The following LDLRAD4 variants were observed in gnomAD, a reference collection of about 807,000 sequenced individuals.
LDLRAD4 encodes low density lipoprotein receptor class A domain containing 4, also known as low-density lipoprotein receptor class A domain-containing protein 4.
Under a neutral mutation model 17.0 loss-of-function variants are expected in LDLRAD4, and 5 were observed. That is an observed-to-expected ratio of 0.29 (90% CI 0.15 to 0.62). LDLRAD4 has a LOEUF of 0.62. LDLRAD4 is among the 20% of genes least tolerant of loss of function. LDLRAD4 has a pLI of 0.84. For synonymous variants in LDLRAD4, 168 were observed against 171.8 expected (o/e 0.98, Z 0.17); for missense variants, 340 against 424.7 (o/e 0.80, Z 1.75).
chr18:13,436,129 G>A (rs1219536105), intron 2 of LDLRAD4, among the ~76,000 whole-genome samples: 1 of 152,188 alleles, frequency 6.6e-6, no homozygotes, highest in African/African-American at 2.4e-5. Context: ...AGGAGATAAA[G>A]AAGGGAAATG....
At chr18:13,312,082 G>C (rs999668615) in intron 1 of LDLRAD4, among the ~76,000 whole-genome samples, 2 of 151,972 alleles carry the variant, frequency 1.3e-5, no homozygotes, top group African/African-American at 4.8e-5. Context: ...AGATCCGCCC[G>C]CCTCGGCCTC....
intron 1 of LDLRAD4, among the ~76,000 whole-genome samples, chr18:13,234,315 G>A (rs920801619): frequency 3.3e-5 from 5 of 152,234 alleles, no homozygotes; most frequent in African/African-American, 1.2e-4. Context: ...CTCCCTGGGT[G>A]CGCACATTAG....
intron 3 of LDLRAD4, among the ~76,000 whole-genome samples, chr18:13,536,166 C>T (rs2094198550): frequency 6.6e-6 from 1 of 152,062 alleles, no homozygotes; most frequent in South Asian, 2.1e-4. Flanking sequence ...AGTTTGTCAC[C>T]TATTCGAAGA....
intron 1 of LDLRAD4, among the ~76,000 whole-genome samples, chr18:13,269,140 A>G (rs2044380653): frequency 6.6e-6 from 1 of 152,192 alleles, no homozygotes; most frequent in Admixed American, 6.5e-5. Context: ...CATGTCTTTG[A>G]ATGCGAGAGG....
At chr18:13,624,510 C>A (rs904472778) in intron 4 of LDLRAD4, among the ~76,000 whole-genome samples, 29 of 152,234 alleles carry the variant, frequency 1.9e-4, no homozygotes, top group Non-Finnish European at 3.8e-4. Flanking sequence ...CGCTGCCATT[C>A]TCTCCATCTT....
At chr18:13,537,127 A>G (rs1311114458) in intron 3 of LDLRAD4, among the ~76,000 whole-genome samples, 2 of 152,196 alleles carry the variant, frequency 1.3e-5, no homozygotes, top group Non-Finnish European at 2.9e-5. Flanking sequence ...TCAGAGTAGT[A>G]TTGGTTCATA....
rs573955029 is a variant in LDLRAD4 at position 13,604,721 on chromosome 18, T to C, written c.182-16396T>C. 9.5e-4 allele frequency among the ~76,000 whole-genome samples: 145 copies of C among 152,298 alleles called. 1 individual carries two copies. The highest frequency in any genetic ancestry group is 3.2e-3 in the African/African-American group (131 of 41,568). On this transcript the variant is annotated intron_variant, in intron 3 of 5. Coordinates refer to ENST00000359446, the Ensembl canonical transcript of LDLRAD4. ...TTCCTGAGTAACTACATCAAGCATT[T>C]TAAACAGTAAAATATCCAGTGTGTT...
chr18:13,464,667 A>G (rs1007583922), intron 3 of LDLRAD4, among the ~76,000 whole-genome samples: 3 of 151,948 alleles, frequency 2.0e-5, no homozygotes, highest in African/African-American at 4.8e-5. Flanking sequence ...GAATGTGGAA[A>G]GATGGTGCCA....
At chr18:13,585,095 T>C (rs1486997563) in intron 3 of LDLRAD4, among the ~76,000 whole-genome samples, 2 of 152,236 alleles carry the variant, frequency 1.3e-5, no homozygotes, top group Non-Finnish European at 2.9e-5. Context: ...AGAATGAGCC[T>C]CATGCGTGTC....
chr18:13,479,950 GCC>G (rs2093042229), intron 3 of LDLRAD4, among the ~76,000 whole-genome samples: 1 of 152,202 alleles, frequency 6.6e-6, no homozygotes, highest in African/African-American at 2.4e-5. Flanking sequence ...AGGATGTGGA[GCC>G]ACCGGAACTC....
intron 1 of LDLRAD4, among the ~76,000 whole-genome samples, chr18:13,350,646 T>G (rs1287547561): frequency 6.6e-6 from 1 of 152,240 alleles, no homozygotes; most frequent in Non-Finnish European, 1.5e-5. Flanking sequence ...TAGATCTCAT[T>G]TGTCAATTTT....
At chr18:13,436,300 G>A (rs867873420) in intron 2 of LDLRAD4, among the ~76,000 whole-genome samples, 14 of 152,162 alleles carry the variant, frequency 9.2e-5, no homozygotes, top group Admixed American at 9.2e-4. Flanking sequence ...TTATATGAAC[G>A]AATGAATGAG....
chr18:13,347,923 C>T (rs1258207610), intron 1 of LDLRAD4, among the ~76,000 whole-genome samples: 1 of 152,236 alleles, frequency 6.6e-6, no homozygotes, highest in African/African-American at 2.4e-5. Flanking sequence ...TCAGCTTCAT[C>T]AGGTCCTTTA....
chr18:13,375,082 A>AGG (rs1332252477), intron 1 of LDLRAD4, among the ~76,000 whole-genome samples: 3 of 152,196 alleles, frequency 2.0e-5, no homozygotes, highest in Non-Finnish European at 4.4e-5. Context: ...CTAGAAGGGA[A>AGG]GGGGACGGTA....
chr18:13,493,954 T>C (rs72880641), intron 3 of LDLRAD4, among the ~76,000 whole-genome samples: 15,502 of 152,316 alleles, frequency 0.1, 1,008 homozygotes, highest in South Asian at 0.2. Context: ...GGGCCCAGCA[T>C]GGAGGCGTGT....
chr18:13,551,576 TGG>T (rs2094435227), intron 3 of LDLRAD4, among the ~76,000 whole-genome samples: 1 of 151,834 alleles, frequency 6.6e-6, no homozygotes, highest in African/African-American at 2.4e-5. Context: ...TCCGTAGAAC[TGG>T]GGGGAGTTAC....
intron 4 of LDLRAD4, among the ~76,000 whole-genome samples, chr18:13,634,882 A>G (rs575614808): frequency 1.3e-5 from 2 of 152,140 alleles, no homozygotes; most frequent in Middle Eastern, 3.2e-3. Context: ...ATATAGACAA[A>G]TATATAGACC....
chr18:13,557,390 G>T (rs546464715), intron 3 of LDLRAD4, among the ~76,000 whole-genome samples: 1 of 152,158 alleles, frequency 6.6e-6, no homozygotes, highest in African/African-American at 2.4e-5. Context: ...GCCTAAGGAT[G>T]GTTTCTTTAG....
At chr18:13,593,211 G>A (rs2095049824) in intron 3 of LDLRAD4, among the ~76,000 whole-genome samples, 1 of 152,182 alleles carries the variant, frequency 6.6e-6, no homozygotes, top group South Asian at 2.1e-4. Context: ...TACCGAGGAG[G>A]CTGAGGCAGA....
Sources: gnomAD v4.1 joint callset for allele counts (sites outside exome capture counted in the v4.1 genomes callset) on GRCh38, gnomAD v4.1.1 for gene constraint, MANE v1.5 for transcripts, NCBI Gene and HGNC (gene_info 2026-07-23, HGNC 2026-07-21) for gene names.